The following MYO3B variants were observed in gnomAD, a reference collection of about 807,000 sequenced individuals.
The protein encoded by MYO3B is myosin-IIIb.
MYO3B carries 156 observed loss-of-function variants against 174.6 expected under a neutral mutation model. The observed-to-expected ratio is 0.89, with a 90% CI of 0.78 to 1.02. MYO3B has a LOEUF of 1.02. MYO3B is among the 50% of genes least tolerant of loss of function. The pLI is 0.00. For missense variants in MYO3B, 1,632 were observed against 1,639.4 expected (o/e 1.00, Z 0.08); for synonymous variants, 563 against 569.1 (o/e 0.99, Z 0.15).
At position 170,545,453 on chromosome 2, in the gene MYO3B, T is replaced by C. The variant is rs78550566; in HGVS notation, c.3733+1465T>C. On this transcript the variant is annotated intron_variant, in intron 32 of 34. Transcript: ENST00000408978. ...TTGCTGTTACGGTAATTATTGTTAT[T>C]GACATTATATAAATGCAAACGTAAT... Among the ~76,000 whole-genome samples, 733 of 152,358 alleles carry C rather than the reference T, an allele frequency of 4.8e-3. 2 individuals carry two copies. The highest frequency in any genetic ancestry group is 8.2e-3 in the Non-Finnish European group (555 of 68,038).
At chr2:170,382,212 A>G in intron 10 of MYO3B, 100 bp downstream of exon 10, 1 of 947,940 alleles carries the variant, frequency 1.1e-6, no homozygotes, top group Admixed American at 1.9e-5. Flanking sequence ...GGTCATTTGA[A>G]AATTTAATTG....
chr2:170,607,913 CTGCTT>C (rs1332976492), intron 32 of MYO3B, among the ~76,000 whole-genome samples: 1 of 152,184 alleles, frequency 6.6e-6, no homozygotes, highest in African/African-American at 2.4e-5. Context: ...AGAAATCCCT[CTGCTT>C]TGCTTGTTGA....
At chr2:170,247,816 C>T (rs1201113633) in intron 7 of MYO3B, among the ~76,000 whole-genome samples, 1 of 152,184 alleles carries the variant, frequency 6.6e-6, no homozygotes, top group East Asian at 1.9e-4. Context: ...CCAATTTTCT[C>T]CAGAGACCCC....
At chr2:170,482,978 G>A (rs1255682197) in intron 25 of MYO3B, among the ~76,000 whole-genome samples, 1 of 152,236 alleles carries the variant, frequency 6.6e-6, no homozygotes, top group Non-Finnish European at 1.5e-5. Flanking sequence ...ATTGTTTTAA[G>A]CCCTGCCTTT....
intron 30 of MYO3B, among the ~76,000 whole-genome samples, chr2:170,535,903 G>A (rs1300213881): frequency 2.0e-5 from 3 of 152,158 alleles, no homozygotes; most frequent in Non-Finnish European, 2.9e-5. Context: ...CCACTACTGC[G>A]TCTCTTGTTT....
intron 7 of MYO3B, among the ~76,000 whole-genome samples, chr2:170,299,482 GA>G (rs1442876014): frequency 1.2e-4 from 18 of 152,070 alleles, no homozygotes; most frequent in African/African-American, 4.1e-4. Context: ...TAGAAGAAAT[GA>G]AAAGAGCCAA....
In MYO3B at chr2:170,622,908, T is replaced by C. The variant is rs934689149; in HGVS notation, c.3734-28720T>C. 2.3e-4 allele frequency among the ~76,000 whole-genome samples: 35 copies of C among 152,342 alleles called. 1 individual carries two copies. Among genetic ancestry groups the C allele is most frequent in the Non-Finnish European group, 4.4e-4 (30 of 68,034 alleles). The stretch of plus-strand genomic sequence containing the variant: ...CCCTACAAAGGACAGGAACTCATCA[T>C]TTTTTATGGCTGCATAGTATTCCAT... On this transcript the variant is annotated intron_variant, in intron 32 of 34. Transcript: ENST00000408978.
chr2:170,398,665 G>A (rs2105786475), intron 16 of MYO3B, among the ~76,000 whole-genome samples: 1 of 152,212 alleles, frequency 6.6e-6, no homozygotes, highest in African/African-American at 2.4e-5. Context: ...AAGACTCCTA[G>A]CATTCCTATC....
chr2:170,542,948 C>T lies in MYO3B; in HGVS notation c.3618C>T (p.Phe1206=), dbSNP rs1397694731. The change falls in exon 31 of 35, where the codon TTC becomes TTT. Residue 1206 remains phenylalanine, a synonymous_variant. Coordinates refer to ENST00000408978, the MANE Select transcript of MYO3B (RefSeq NM_138995.5). Reference sequence around the variant, plus strand: ...GTTCTCCAAAAGGGTGCGATATCTTCGCAGGACATGCAAACAAGGTAGCTG... The same window carrying T: ...GTTCTCCAAAAGGGTGCGATATCTTTGCAGGACATGCAAACAAGGTAGCTG... ...AQSSPKGCDI[F]AGHANKHSVS... The T allele has an allele frequency of 6.8e-6, 11 of 1,609,558 alleles. No homozygotes were observed. The South Asian group carries it at 7.8e-5, about 11-fold the overall frequency.
chr2:170,630,113 C>T (rs1048551269), intron 32 of MYO3B, among the ~76,000 whole-genome samples: 2 of 152,170 alleles, frequency 1.3e-5, no homozygotes, highest in African/African-American at 4.8e-5. Flanking sequence ...CATTGCCTCA[C>T]CTGAGAAGCA....
intron 12 of MYO3B, among the ~76,000 whole-genome samples, chr2:170,384,777 C>T (rs1055256858): frequency 1.3e-5 from 2 of 152,090 alleles, no homozygotes; most frequent in African/African-American, 4.8e-5. Context: ...GTATTTTTTC[C>T]AGCATGAACC....
chr2:170,393,849 A>G lies in MYO3B; in HGVS notation c.1791+1354A>G, dbSNP rs2094429153. Among the ~76,000 whole-genome samples, 3 of 152,094 alleles carry G rather than the reference A, an allele frequency of 2.0e-5. No individual in the cohort carries two copies. The South Asian group carries it at 6.2e-4, about 32-fold the overall frequency. ...AAAGGTCAGATAAAAATATAAATAT[A>G]TTTTCCTTGGCTTCTTAGAGGGGGG... On this transcript the variant is annotated intron_variant, in intron 16 of 34. Coordinates refer to ENST00000408978, the MANE Select transcript of MYO3B (RefSeq NM_138995.5).
intron 7 of MYO3B, among the ~76,000 whole-genome samples, chr2:170,277,227 A>G (rs1387546071): frequency 6.6e-6 from 1 of 152,232 alleles, no homozygotes; most frequent in Non-Finnish European, 1.5e-5. Flanking sequence ...GGGGGCTCAC[A>G]TAATCTGTAC....
chr2:170,431,270 TCTC>T (rs1429873316), intron 22 of MYO3B, among the ~76,000 whole-genome samples: 2 of 151,802 alleles, frequency 1.3e-5, no homozygotes, highest in Non-Finnish European at 2.9e-5. Context: ...AAAAGGAAAT[TCTC>T]CTCGTTAAAA....
intron 8 of MYO3B, among the ~76,000 whole-genome samples, chr2:170,337,552 A>G (rs2093953584): frequency 6.6e-6 from 1 of 152,200 alleles, no homozygotes; most frequent in South Asian, 2.1e-4. Flanking sequence ...ATAAAGGTAT[A>G]TAATTGATGA....
intron 32 of MYO3B, among the ~76,000 whole-genome samples, chr2:170,617,714 G>A (rs1407035122): frequency 6.6e-6 from 1 of 152,130 alleles, no homozygotes. Context: ...ATATAATAGG[G>A]GAGGGCTGTC....
chr2:170,441,134 G>A (rs2094798051), intron 22 of MYO3B, among the ~76,000 whole-genome samples: 1 of 152,198 alleles, frequency 6.6e-6, no homozygotes, highest in Admixed American at 6.5e-5. Context: ...TTTTGCTAAA[G>A]TTAGTTCTAA....
In MYO3B at chr2:170,447,322, T is replaced by C. The variant is rs535798158; in HGVS notation, c.2730+3276T>C. Among the ~76,000 whole-genome samples, 154 of 152,334 alleles carry C rather than the reference T, an allele frequency of 1.0e-3. 1 individual carries two copies. Among genetic ancestry groups the C allele is most frequent in the South Asian group, 1.7e-3 (8 of 4,826 alleles). On this transcript the variant is annotated intron_variant, in intron 23 of 34. Transcript: ENST00000408978. Reference sequence around the variant, plus strand: ...TGAGACCAGTGGTGCTGTCGGGTTTTTTTTCTTCTTCTTAAGGGATAGATG... The same window carrying C: ...TGAGACCAGTGGTGCTGTCGGGTTTCTTTTCTTCTTCTTAAGGGATAGATG...
intron 19 of MYO3B, 95 bp from the exon 20 acceptor site, chr2:170,404,152 C>A: frequency 8.0e-7 from 1 of 1,251,434 alleles, no homozygotes; most frequent in Non-Finnish European, 1.1e-6. Flanking sequence ...CACATGCATT[C>A]AATGTTGCTA....
Sources: allele counts gnomAD v4.1 joint callset (sites outside exome capture counted in the v4.1 genomes callset), GRCh38; gene constraint gnomAD v4.1.1; transcripts MANE v1.5; gene names NCBI Gene and HGNC (gene_info 2026-07-23, HGNC 2026-07-21).